LDB2: variants seen among roughly 807,000 people sequenced by gnomAD.
The protein encoded by LDB2 is LIM domain binding 2.
Under a neutral mutation model 44.3 loss-of-function variants are expected in LDB2, and 12 were observed. That is an observed-to-expected ratio of 0.27 (90% CI 0.17 to 0.44). The LOEUF (loss-of-function observed/expected upper bound fraction) is 0.44. LDB2 is among the 20% of genes least tolerant of loss of function. The pLI, the probability that LDB2 is intolerant of heterozygous loss-of-function variation, is 1.00. For synonymous variants in LDB2, 164 were observed against 174.8 expected (o/e 0.94, Z 0.49); for missense variants, 344 against 473.5 (o/e 0.73, Z 2.54).
chr4:16,638,974 C>T (rs116216304), intron 2 of LDB2, among the ~76,000 whole-genome samples: 1 of 152,210 alleles, frequency 6.6e-6, no homozygotes, highest in African/African-American at 2.4e-5. Flanking sequence ...TTTAACATTT[C>T]CCTATTAAAA....
At chr4:16,721,632 A>T (rs544250) in intron 2 of LDB2, among the ~76,000 whole-genome samples, 59,306 of 151,906 alleles carry the variant, frequency 0.39, 11,813 homozygotes, top group Admixed American at 0.43. Context: ...TAGGACATGG[A>T]GCAACAAACC....
chr4:16,804,483 ATTGTGTTTGAT>A (rs1282273872), intron 1 of LDB2, among the ~76,000 whole-genome samples: 2 of 152,182 alleles, frequency 1.3e-5, no homozygotes, highest in Non-Finnish European at 2.9e-5. Flanking sequence ...ATGCTACTTT[ATTGTGTTTGAT>A]TTGTGCAACA....
chr4:16,762,575 C>T (rs893263157), intron 1 of LDB2, among the ~76,000 whole-genome samples: 2 of 152,126 alleles, frequency 1.3e-5, no homozygotes, highest in East Asian at 1.9e-4. Context: ...CATCAGATCT[C>T]GTGAGAACTA....
intron 1 of LDB2, among the ~76,000 whole-genome samples, chr4:16,897,357 T>C (rs1725320521): frequency 6.6e-6 from 1 of 152,174 alleles, no homozygotes; most frequent in African/African-American, 2.4e-5. Flanking sequence ...GTGACTTTGG[T>C]GCACCTATAA....
intron 2 of LDB2, among the ~76,000 whole-genome samples, chr4:16,730,175 C>T (rs182206387): frequency 4.6e-5 from 7 of 152,240 alleles, no homozygotes; most frequent in East Asian, 3.9e-4. Flanking sequence ...TAGCTTTTCT[C>T]GTGATTTCTG....
intron 1 of LDB2, among the ~76,000 whole-genome samples, chr4:16,785,345 G>A (rs1051181066): frequency 6.6e-6 from 1 of 152,008 alleles, no homozygotes; most frequent in Non-Finnish European, 1.5e-5. Context: ...CTGGGTCCAA[G>A]TTCAACTTCA....
chr4:16,503,915 G>A (rs1212729675), intron 7 of LDB2, among the ~76,000 whole-genome samples: 1 of 152,176 alleles, frequency 6.6e-6, no homozygotes. Flanking sequence ...CAGAGCTCCA[G>A]CTTCTTTGTT....
chr4:16,684,337 G>A (rs918294876), intron 2 of LDB2, among the ~76,000 whole-genome samples: 1 of 152,166 alleles, frequency 6.6e-6, no homozygotes, highest in Non-Finnish European at 1.5e-5. Flanking sequence ...TGTTTTTAAT[G>A]TGTGCAAGCA....
intron 1 of LDB2, among the ~76,000 whole-genome samples, chr4:16,824,923 G>T (rs560139796): frequency 1.3e-5 from 2 of 152,340 alleles, no homozygotes; most frequent in South Asian, 4.1e-4. Context: ...ATAAAACAAG[G>T]AAAGCATTAC....
chr4:16,800,013 C>G (rs761046815), intron 1 of LDB2, among the ~76,000 whole-genome samples: 2 of 151,686 alleles, frequency 1.3e-5, no homozygotes, highest in Non-Finnish European at 2.9e-5. Context: ...TATTATATAC[C>G]GAGGCCCAGT....
intron 1 of LDB2, among the ~76,000 whole-genome samples, chr4:16,845,350 G>C (rs544828445): frequency 1.8e-4 from 27 of 152,190 alleles, no homozygotes; most frequent in Non-Finnish European, 3.4e-4. Flanking sequence ...TCCCATGGCC[G>C]CCCCTGTTTC....
chr4:16,570,409 G>A (rs1403716244), intron 5 of LDB2, among the ~76,000 whole-genome samples: 1 of 128,308 alleles, frequency 7.8e-6, no homozygotes, highest in Non-Finnish European at 1.6e-5. Flanking sequence ...CTTGCAGTGA[G>A]CCGAGATGGC....
intron 2 of LDB2, among the ~76,000 whole-genome samples, chr4:16,621,360 G>C (rs1402207731): frequency 6.6e-6 from 1 of 152,244 alleles, no homozygotes; most frequent in East Asian, 1.9e-4. Context: ...GTAGAGCAAG[G>C]CATAGCCTAT....
chr4:16,737,995 T>C, intron 2 of LDB2, among the ~76,000 whole-genome samples: 1 of 152,216 alleles, frequency 6.6e-6, no homozygotes, highest in East Asian at 1.9e-4. Context: ...ATTGAGTTAA[T>C]ATAATACCTG....
chr4:16,736,078 G>A (rs1432615777), intron 2 of LDB2, among the ~76,000 whole-genome samples: 8 of 152,162 alleles, frequency 5.3e-5, no homozygotes, highest in South Asian at 2.1e-4. Context: ...GGCCAGCCCC[G>A]CCTGGTGCTT....
chr4:16,566,325 C>A (rs576373884), intron 5 of LDB2, among the ~76,000 whole-genome samples: 8 of 151,868 alleles, frequency 5.3e-5, no homozygotes, highest in Non-Finnish European at 1.2e-4. Context: ...ATTAAGAACA[C>A]AAAGCCAAAA....
chr4:16,766,583 G>T (rs1170103131), intron 1 of LDB2, among the ~76,000 whole-genome samples: 1 of 149,880 alleles, frequency 6.7e-6, no homozygotes, highest in Non-Finnish European at 1.5e-5. Context: ...TTGGCTCACT[G>T]CAACCTCCAC....
At chr4:16,720,188 T>G (rs560745215) in intron 2 of LDB2, among the ~76,000 whole-genome samples, 256 of 151,976 alleles carry the variant, frequency 1.7e-3, no homozygotes, top group African/African-American at 5.7e-3. Flanking sequence ...TGTTCAAAAG[T>G]ATTTTGTAGA....
intron 5 of LDB2, among the ~76,000 whole-genome samples, chr4:16,515,739 CA>C (rs1723389873): frequency 6.6e-6 from 1 of 152,028 alleles, no homozygotes; most frequent in Non-Finnish European, 1.5e-5. Context: ...GTTCATTTAC[CA>C]CTTATTGTAA....
Sources: gnomAD v4.1 joint callset for allele counts (sites outside exome capture counted in the v4.1 genomes callset) on GRCh38, gnomAD v4.1.1 for gene constraint, MANE v1.5 for transcripts, NCBI Gene and HGNC (gene_info 2026-07-23, HGNC 2026-07-21) for gene names.